Variants in FCHO2 observed in about 807,000 individuals in gnomAD.
FCHO2 encodes FCH and mu domain containing endocytic adaptor 2.
FCHO2 carries 43 observed loss-of-function variants against 114.1 expected under a neutral mutation model. That is an observed-to-expected ratio of 0.38 (90% CI 0.30 to 0.49). FCHO2 has a LOEUF of 0.49. FCHO2 is among the 20% of genes least tolerant of loss of function. FCHO2 has a pLI of 0.97. For missense variants in FCHO2, 807 were observed against 950.4 expected (o/e 0.85, Z 1.98); for synonymous variants, 293 against 315.2 (o/e 0.93, Z 0.75).
At chr5:72,963,491 A>G (rs1331043653) in intron 1 of FCHO2, among the ~76,000 whole-genome samples, 1 of 152,040 alleles carries the variant, frequency 6.6e-6, no homozygotes, top group East Asian at 1.9e-4. Context: ...ACCATCAAGC[A>G]TTTTTCTCAT....
In FCHO2 at chr5:73,089,445, A is replaced by C. The variant is rs1743415059; in HGVS notation, c.*1355A>C. 1.3e-5 allele frequency: 2 copies of C among 152,150 alleles called. No individual in the cohort carries two copies. The highest frequency in any genetic ancestry group is 4.8e-5 in the African/African-American group (2 of 41,460). The allele number at this position is 152,150 out of a possible 1,614,324, so 9.4% of individuals were successfully genotyped here. On this transcript the variant is annotated 3_prime_UTR_variant, in exon 26 of 26. Transcript: ENST00000430046. ...TGTACATTTTAATTATTCAATTTCT[A>C]CTTTGTAAAAATAGGGAAATTATTT...
chr5:72,985,488 T>C (rs258888), intron 2 of FCHO2, among the ~76,000 whole-genome samples: 1 of 151,990 alleles, frequency 6.6e-6, no homozygotes, highest in African/African-American at 2.4e-5. Flanking sequence ...AAAGAATACT[T>C]CTTAGGTGGT....
chr5:73,082,136 T>C (rs1302415688), intron 23 of FCHO2, among the ~76,000 whole-genome samples, 154 bp downstream of exon 23: 8 of 152,202 alleles, frequency 5.3e-5, no homozygotes, highest in Non-Finnish European at 1.2e-4. Context: ...TTCATTTTAC[T>C]AGTCAAACCA....
chr5:73,064,902 C>T (rs962333472), intron 18 of FCHO2, among the ~76,000 whole-genome samples: 1 of 152,048 alleles, frequency 6.6e-6, no homozygotes, highest in Non-Finnish European at 1.5e-5. Flanking sequence ...CATTCCTTCA[C>T]TTATCTTCCT....
Position 73,039,348 on chromosome 5 carries a change from A to G in FCHO2, c.915-1943A>G, listed in dbSNP as rs571084086. Among the ~76,000 whole-genome samples, 93 of 152,296 alleles carry G rather than the reference A, an allele frequency of 6.1e-4. 1 individual carries two copies. The highest frequency in any genetic ancestry group is 1.4e-3 in the Admixed American group (22 of 15,298). On this transcript the variant is annotated intron_variant, in intron 10 of 25. Transcript: ENST00000430046. ...GCAAACAGATAAGTACTTTACCCCAATGACTGGAGTGTTTTGGCCTAAAGC... is the reference window on the plus strand; with the variant it reads ...GCAAACAGATAAGTACTTTACCCCAGTGACTGGAGTGTTTTGGCCTAAAGC...
chr5:72,997,224 G>A, intron 5 of FCHO2: 6 of 1,155,576 alleles, frequency 5.2e-6, no homozygotes, highest in Middle Eastern at 2.3e-4. Flanking sequence ...CATCCTGTCC[G>A]TTTCTTTGTA....
At chr5:73,007,227 G>T (rs1250013541) in intron 6 of FCHO2, among the ~76,000 whole-genome samples, 2 of 152,152 alleles carry the variant, frequency 1.3e-5, no homozygotes, top group Non-Finnish European at 2.9e-5. Flanking sequence ...AATATCAAGG[G>T]TTTATTACTT....
intron 2 of FCHO2, among the ~76,000 whole-genome samples, chr5:72,985,472 T>C (rs1368130875): frequency 1.3e-5 from 2 of 152,160 alleles, no homozygotes; most frequent in Admixed American, 6.5e-5. Context: ...CTATTCAGTA[T>C]TTTGGAAAGA....
chr5:73,003,860 A>T (rs892572806), intron 5 of FCHO2, among the ~76,000 whole-genome samples: 1 of 151,844 alleles, frequency 6.6e-6, no homozygotes, highest in African/African-American at 2.4e-5. Flanking sequence ...CTTGGCCAAC[A>T]TGGTGAGTGA....
intron 18 of FCHO2, among the ~76,000 whole-genome samples, chr5:73,066,580 T>C (rs1466644502): frequency 1.8e-4 from 26 of 148,100 alleles, no homozygotes; most frequent in Admixed American, 1.1e-3. Flanking sequence ...CTTTTCTTTT[T>C]TTTTTTTTTT....
chr5:73,046,832 G>T (rs1329744985), intron 11 of FCHO2, among the ~76,000 whole-genome samples: 1 of 152,100 alleles, frequency 6.6e-6, no homozygotes, highest in Non-Finnish European at 1.5e-5. Context: ...AATTCCATCT[G>T]TTAACTCACT....
At chr5:73,042,647 T>C (rs1300116234) in intron 11 of FCHO2, among the ~76,000 whole-genome samples, 1 of 152,144 alleles carries the variant, frequency 6.6e-6, no homozygotes, top group African/African-American at 2.4e-5. Flanking sequence ...AAAAATACGT[T>C]ATAAAAGGAT....
chr5:73,066,529 G>A (rs1011758186), intron 18 of FCHO2, among the ~76,000 whole-genome samples: 2 of 147,500 alleles, frequency 1.4e-5, no homozygotes, highest in Non-Finnish European at 3.0e-5. Flanking sequence ...ACCAGAGAGA[G>A]TATGTTGATT....
At position 73,064,825 on chromosome 5, in the gene FCHO2, G is replaced by A. The variant is rs1310906318; in HGVS notation, c.1449+881G>A. ...TCTCAAATGCCCCTCAGTTTTCTAT[G>A]TCACAAATTGACTTCTTTCTTTAAG... On this transcript the variant is annotated intron_variant, in intron 18 of 25. Coordinates refer to ENST00000430046, the MANE Select transcript of FCHO2 (RefSeq NM_138782.3). 2.0e-5 allele frequency among the ~76,000 whole-genome samples: 3 copies of A among 151,896 alleles called. No individual in the cohort carries two copies. In the East Asian group the frequency reaches 5.8e-4, roughly 29 times the overall value.
intron 20 of FCHO2, among the ~76,000 whole-genome samples, chr5:73,075,484 C>T (rs796946315): frequency 2.0e-5 from 3 of 151,988 alleles, no homozygotes; most frequent in African/African-American, 4.8e-5. Flanking sequence ...AAGATGAGTC[C>T]GGAGAGGTAT....
intron 5 of FCHO2, among the ~76,000 whole-genome samples, chr5:73,000,693 T>C (rs1004319942): frequency 2.0e-5 from 3 of 151,932 alleles, no homozygotes; most frequent in Non-Finnish European, 2.9e-5. Context: ...GAGAATCTCT[T>C]GAACCCAGGA....
intron 1 of FCHO2, among the ~76,000 whole-genome samples, chr5:72,958,489 G>A (rs1406588151): frequency 6.6e-6 from 1 of 152,166 alleles, no homozygotes; most frequent in Non-Finnish European, 1.5e-5. Flanking sequence ...CAATCGACCA[G>A]AAATGTATGG....
chr5:72,967,264 G>A (rs770608006), intron 1 of FCHO2, among the ~76,000 whole-genome samples: 1 of 152,216 alleles, frequency 6.6e-6, no homozygotes, highest in Non-Finnish European at 1.5e-5. Context: ...CAGCCTGGAT[G>A]ATAGAGTGAG....
chr5:72,982,110 G>A (rs1030998966), intron 2 of FCHO2, among the ~76,000 whole-genome samples: 1 of 152,174 alleles, frequency 6.6e-6, no homozygotes, highest in African/African-American at 2.4e-5. Context: ...ATCTGGGCTG[G>A]AATGCACCAT....
Sources: gnomAD v4.1 joint callset for allele counts (sites outside exome capture counted in the v4.1 genomes callset) on GRCh38, gnomAD v4.1.1 for gene constraint, MANE v1.5 for transcripts, NCBI Gene and HGNC (gene_info 2026-07-23, HGNC 2026-07-21) for gene names.